LSAMP: variants seen among roughly 807,000 people sequenced by gnomAD.
LSAMP encodes the protein limbic system-associated membrane protein.
A neutral mutation model predicts 38.6 loss-of-function variants in LSAMP; 7 were observed. The ratio of observed to expected loss-of-function variants is 0.18; its 90% CI spans 0.10 to 0.34. The LOEUF is 0.34. LSAMP is among the 10% of genes least tolerant of loss of function. The pLI, the probability that LSAMP is intolerant of heterozygous loss-of-function variation, is 1.00. For missense variants in LSAMP, 313 were observed against 420.0 expected (o/e 0.75, Z 2.23); for synonymous variants, 154 against 166.8 (o/e 0.92, Z 0.59).
intron 2 of LSAMP, among the ~76,000 whole-genome samples, chr3:116,026,303 G>T (rs1370054988): frequency 6.6e-6 from 1 of 152,128 alleles, no homozygotes; most frequent in Non-Finnish European, 1.5e-5. Flanking sequence ...TCCAGGGTCT[G>T]CCCTGACTCT....
intron 1 of LSAMP, among the ~76,000 whole-genome samples, chr3:116,226,169 T>G (rs1385782297): frequency 1.3e-5 from 2 of 152,186 alleles, no homozygotes; most frequent in African/African-American, 4.8e-5. Flanking sequence ...AACCATGATT[T>G]CCTTACCCCC....
chr3:116,012,132 C>G (rs879942885), intron 3 of LSAMP, among the ~76,000 whole-genome samples: 2 of 152,192 alleles, frequency 1.3e-5, no homozygotes, highest in Non-Finnish European at 2.9e-5. Context: ...GCTTGGTTAA[C>G]TCCCAAATAA....
intron 3 of LSAMP, among the ~76,000 whole-genome samples, chr3:115,896,448 T>C (rs1349907506): frequency 6.6e-6 from 1 of 152,032 alleles, no homozygotes; most frequent in East Asian, 1.9e-4. Context: ...CTTGTGGATA[T>C]ATATAGTGGT....
intron 2 of LSAMP, among the ~76,000 whole-genome samples, chr3:116,066,606 A>G (rs1707442004): frequency 6.6e-6 from 1 of 152,220 alleles, no homozygotes. Context: ...CTGCCTTTGC[A>G]AACATCTTGC....
At chr3:115,939,585 T>TCTTTCTTTC (rs58450242) in intron 3 of LSAMP, among the ~76,000 whole-genome samples, 8 of 150,208 alleles carry the variant, frequency 5.3e-5, no homozygotes, top group Non-Finnish European at 5.9e-5. Flanking sequence ...TCTTTCTTTC[T>TCTTTCTTTC]GTTAAGAGAC....
At chr3:116,163,635 C>A (rs921142497) in intron 1 of LSAMP, among the ~76,000 whole-genome samples, 2 of 151,948 alleles carry the variant, frequency 1.3e-5, no homozygotes, top group Non-Finnish European at 2.9e-5. Flanking sequence ...AGTTCTAGAT[C>A]CCTGAGGAAT....
At chr3:116,406,889 G>A (rs948332980) in intron 1 of LSAMP, among the ~76,000 whole-genome samples, 1 of 151,830 alleles carries the variant, frequency 6.6e-6, no homozygotes, top group Non-Finnish European at 1.5e-5. Flanking sequence ...CCTAGAAAGA[G>A]GTAAAAAGAG....
intron 1 of LSAMP, among the ~76,000 whole-genome samples, chr3:116,353,422 ATTG>A (rs2048176946): frequency 6.6e-6 from 1 of 152,004 alleles, no homozygotes; most frequent in Non-Finnish European, 1.5e-5. Context: ...CTGCCTTGGT[ATTG>A]TTATTTAATT....
intron 1 of LSAMP, among the ~76,000 whole-genome samples, chr3:116,253,041 C>T (rs1323561007): frequency 6.6e-6 from 1 of 152,118 alleles, no homozygotes; most frequent in East Asian, 1.9e-4. Context: ...CCAGCAGTTC[C>T]AAAGATGTTC....
At chr3:116,432,709 A>G (rs1025149398) in intron 1 of LSAMP, among the ~76,000 whole-genome samples, 2 of 152,162 alleles carry the variant, frequency 1.3e-5, no homozygotes, top group East Asian at 3.9e-4. Flanking sequence ...AGGAGTTGGA[A>G]CAATGGAAGC....
intron 1 of LSAMP, among the ~76,000 whole-genome samples, chr3:116,374,775 A>G (rs1051482745): frequency 2.0e-5 from 3 of 151,820 alleles, no homozygotes; most frequent in African/African-American, 7.3e-5. Context: ...CATCCTACAC[A>G]TTTCTCTACA....
chr3:116,237,574 G>A (rs1026534756), intron 1 of LSAMP, among the ~76,000 whole-genome samples: 3 of 152,136 alleles, frequency 2.0e-5, no homozygotes, highest in African/African-American at 7.2e-5. Context: ...TTATTACAAG[G>A]TATCTAGTTC....
At chr3:115,957,412 A>G (rs983026969) in intron 3 of LSAMP, among the ~76,000 whole-genome samples, 3 of 152,082 alleles carry the variant, frequency 2.0e-5, no homozygotes, top group African/African-American at 2.4e-5. Flanking sequence ...CCTTGCCCCA[A>G]ACTTCATCCT....
At position 116,445,427 on chromosome 3, in the gene LSAMP, C is replaced by A. The variant is rs984838060; in HGVS notation, c.-396G>T. The stretch of plus-strand genomic sequence containing the variant: ...TAACCCACTTTCCCAGGCTGGCGGG[C>A]GGGCGGGCGAGGGAGCCGGCACCAA... On this transcript the variant is annotated 5_prime_UTR_variant, in exon 1 of 7. Coordinates refer to ENST00000490035, the MANE Select transcript of LSAMP (RefSeq NM_002338.5). 1.4e-5 allele frequency: 3 copies of A among 213,490 alleles called. No homozygotes were observed. Among genetic ancestry groups the A allele is most frequent in the African/African-American group, 2.4e-5 (1 of 42,014 alleles). The allele number at this position is 213,490 out of a possible 1,614,324, so 13.2% of individuals were successfully genotyped here. A position where few individuals can be genotyped will look rare whatever the true frequency, so the allele number is the denominator to read the frequency against.
chr3:116,002,997 A>AT (rs1377531808), intron 3 of LSAMP, among the ~76,000 whole-genome samples: 2 of 152,108 alleles, frequency 1.3e-5, no homozygotes, highest in South Asian at 2.1e-4. Context: ...CTGTGATAGT[A>AT]TTTTTTTAAT....
intron 3 of LSAMP, among the ~76,000 whole-genome samples, chr3:115,920,358 T>C (rs1018503096): frequency 6.6e-6 from 1 of 152,238 alleles, no homozygotes; most frequent in Non-Finnish European, 1.5e-5. Flanking sequence ...CTTGTTATTT[T>C]CTATTTTTTC....
intron 1 of LSAMP, among the ~76,000 whole-genome samples, chr3:116,356,813 A>G (rs1170281800): frequency 1.3e-5 from 2 of 151,926 alleles, no homozygotes; most frequent in Admixed American, 6.6e-5. Context: ...TTGTTTTTTG[A>G]GACGGAGTCT....
At chr3:116,219,961 G>T (rs947255971) in intron 1 of LSAMP, among the ~76,000 whole-genome samples, 1 of 152,132 alleles carries the variant, frequency 6.6e-6, no homozygotes, top group African/African-American at 2.4e-5. Context: ...GATCACCTGA[G>T]GTCAGGAGTT....
At chr3:116,016,530 G>C (rs1345180261) in intron 3 of LSAMP, among the ~76,000 whole-genome samples, 1 of 152,184 alleles carries the variant, frequency 6.6e-6, no homozygotes, top group Non-Finnish European at 1.5e-5. Context: ...CCATGGATGA[G>C]TGCAGCAAAT....
Sources: allele counts gnomAD v4.1 joint callset (sites outside exome capture counted in the v4.1 genomes callset), GRCh38; gene constraint gnomAD v4.1.1; transcripts MANE v1.5; gene names NCBI Gene and HGNC (gene_info 2026-07-23, HGNC 2026-07-21).